FLT3: variants seen among roughly 807,000 people sequenced by gnomAD.
FLT3 encodes receptor-type tyrosine-protein kinase FLT3.
FLT3 carries 46 observed loss-of-function variants against 126.6 expected under a neutral mutation model. The ratio of observed to expected loss-of-function variants is 0.36; its 90% CI spans 0.29 to 0.46. The LOEUF (loss-of-function observed/expected upper bound fraction) is 0.46. FLT3 is among the 20% of genes least tolerant of loss of function. FLT3 has a pLI of 1.00. For synonymous variants in FLT3, 404 were observed against 434.4 expected, an observed-to-expected ratio of 0.93 and a Z score of 0.87; for missense variants, 1,069 against 1,190.3, an observed-to-expected ratio of 0.90 and a Z score of 1.50.
intron 1 of FLT3, among the ~76,000 whole-genome samples, chr13:28,074,164 T>C (rs985932054): frequency 2.0e-5 from 3 of 152,052 alleles, no homozygotes; most frequent in Non-Finnish European, 4.4e-5. Context: ...GTATGAACTG[T>C]TTTTTTATAG....
At chr13:28,061,828 G>T in intron 3 of FLT3, 39 bp downstream of exon 3, 1 of 1,506,662 alleles carries the variant, frequency 6.6e-7, no homozygotes, top group Non-Finnish European at 9.2e-7. Flanking sequence ...AATTCCAAAT[G>T]AACCACATTT....
intron 3 of FLT3, among the ~76,000 whole-genome samples, chr13:28,058,712 G>T (rs142466835): frequency 5.3e-4 from 80 of 152,230 alleles, no homozygotes; most frequent in African/African-American, 1.9e-3. Flanking sequence ...CCAAATACAG[G>T]TTATATTCGA....
chr13:28,066,056 G>A (rs1029250773), intron 2 of FLT3, among the ~76,000 whole-genome samples: 6 of 151,932 alleles, frequency 3.9e-5, no homozygotes, highest in African/African-American at 2.4e-5. Flanking sequence ...ATATCAAGAC[G>A]GAATACGAAC....
chr13:28,054,553 C>T (rs1286728907), intron 4 of FLT3, among the ~76,000 whole-genome samples: 1 of 148,898 alleles, frequency 6.7e-6, no homozygotes, highest in Non-Finnish European at 1.5e-5. Flanking sequence ...AAAACCCCGT[C>T]TCTACAAAAA....
intron 1 of FLT3, among the ~76,000 whole-genome samples, chr13:28,092,800 A>G (rs1338637044): frequency 6.6e-6 from 1 of 151,734 alleles, no homozygotes; most frequent in Non-Finnish European, 1.5e-5. Context: ...AATCCCTTTG[A>G]AAATCTGAAG....
At chr13:28,049,287 G>T in intron 8 of FLT3, 97 bp downstream of exon 8, 2 of 1,075,914 alleles carry the variant, frequency 1.9e-6, no homozygotes, top group Non-Finnish European at 1.4e-6. Context: ...TTTGATAGTA[G>T]CATTATATTG....
intron 1 of FLT3, among the ~76,000 whole-genome samples, chr13:28,086,108 A>G (rs957735906): frequency 6.6e-6 from 1 of 152,202 alleles, no homozygotes; most frequent in Non-Finnish European, 1.5e-5. Context: ...TCAGATTTAA[A>G]TCTACTATAT....
Position 28,050,109 on chromosome 13 carries a change from C to T in FLT3, c.728G>A (p.Arg243Lys), listed in dbSNP as rs61729144. ...TATAGTGTTACCTATTGTGAACAGCCTGGTGCATTCCCTGCCCAGTTCATT... is the reference window on the plus strand; with the variant it reads ...TATAGTGTTACCTATTGTGAACAGCTTGGTGCATTCCCTGCCCAGTTCATT... ...ARNELGRECT[R>K]LFTIDLNQTP... The change falls in exon 6 of 24, where the codon AGG (arginine) becomes AAG (lysine). Residue 243 changes from arginine to lysine, a missense_variant. By Grantham distance (26) the Arg-to-Lys change is conservative (BLOSUM62 2). Coordinates refer to ENST00000241453, the MANE Select transcript of FLT3 (RefSeq NM_004119.3). The T allele has an allele frequency of 3.1e-4, 499 of 1,614,114 alleles. 1 individual carries two copies. The African/African-American group carries it at 6.0e-3, about 19-fold the overall frequency.
intron 1 of FLT3, among the ~76,000 whole-genome samples, chr13:28,091,645 G>T (rs888834895): frequency 5.3e-5 from 8 of 151,998 alleles, no homozygotes; most frequent in African/African-American, 1.9e-4. Context: ...CTGTCTATCT[G>T]CTGGTGAGGC....
chr13:28,094,476 G>T (rs1057319569), intron 1 of FLT3, among the ~76,000 whole-genome samples: 1 of 152,042 alleles, frequency 6.6e-6, no homozygotes, highest in Non-Finnish European at 1.5e-5. Context: ...AGAACACTGT[G>T]TGCACTTTAT....
intron 9 of FLT3, among the ~76,000 whole-genome samples, chr13:28,045,280 G>A (rs1874751466): frequency 6.6e-6 from 1 of 152,176 alleles, no homozygotes; most frequent in Non-Finnish European, 1.5e-5. Context: ...ATTCTTGCGG[G>A]AGAGGGAAAG....
intron 23 of FLT3, among the ~76,000 whole-genome samples, chr13:28,014,149 A>T (rs910517586): frequency 1.2e-4 from 18 of 151,962 alleles, no homozygotes; most frequent in Non-Finnish European, 2.6e-4. Context: ...CTGCCCTCCC[A>T]TGGTCCTAGC....
At chr13:28,077,571 T>C (rs1878040780) in intron 1 of FLT3, among the ~76,000 whole-genome samples, 1 of 152,188 alleles carries the variant, frequency 6.6e-6, no homozygotes, top group Non-Finnish European at 1.5e-5. Context: ...GTGGGAATTC[T>C]GCGAGATACA....
intron 1 of FLT3, among the ~76,000 whole-genome samples, chr13:28,099,513 A>G (rs549924881): frequency 2.0e-4 from 30 of 152,346 alleles, no homozygotes; most frequent in Admixed American, 3.3e-4. Context: ...TTCAAGTCCT[A>G]GCATTTCAGA....
chr13:28,045,353 A>G (rs539127525), intron 9 of FLT3, among the ~76,000 whole-genome samples: 39 of 152,360 alleles, frequency 2.6e-4, no homozygotes, highest in African/African-American at 9.1e-4. Flanking sequence ...AGGATATTAA[A>G]GTAATATTTG....
intron 1 of FLT3, among the ~76,000 whole-genome samples, chr13:28,094,116 G>T (rs1326946852): frequency 1.3e-5 from 2 of 152,076 alleles, no homozygotes; most frequent in Non-Finnish European, 2.9e-5. Flanking sequence ...TACAAATGAG[G>T]AACTTAAGTG....
intron 1 of FLT3, among the ~76,000 whole-genome samples, chr13:28,093,910 G>A (rs1879287191): frequency 6.6e-6 from 1 of 152,136 alleles, no homozygotes; most frequent in Admixed American, 6.6e-5. Context: ...GTGGAAGGAG[G>A]AAGGGTGGGA....
rs1870657665 is a variant in FLT3, at chr13:28,004,005, G to A, written c.*47C>T. The A allele has an allele frequency of 6.2e-7, 1 of 1,609,168 alleles. No homozygotes were observed. The highest frequency in any genetic ancestry group is 8.5e-7 in the Non-Finnish European group (1 of 1,175,634). On this transcript the variant is annotated 3_prime_UTR_variant, in exon 24 of 24. Coordinates refer to ENST00000241453, the MANE Select transcript of FLT3 (RefSeq NM_004119.3). ...ATCTTGTTTTGGTAATCTACAGCCT[G>A]TTAGGGATAGGTGGAGGGATGAAGT...
In FLT3 at chr13:28,073,962, GA is replaced by G. The variant is rs1216309493; in HGVS notation, c.44-3351del. 2.2e-4 allele frequency among the ~76,000 whole-genome samples: 32 copies of G among 143,422 alleles called. 1 individual carries two copies. Among genetic ancestry groups the G allele is most frequent in the Admixed American group, 1.8e-3 (26 of 14,290 alleles). 94.1% of individuals were successfully genotyped at this position (143,422 alleles called of 152,430 possible). ...CTCTAAAAAAAAAAAAAAAAGAAAAGAAAAAAAAGAAAACAATTTTTTTTAA... is the reference window on the plus strand; with the variant it reads ...CTCTAAAAAAAAAAAAAAAAGAAAAGAAAAAAAGAAAACAATTTTTTTTAA... On this transcript the variant is annotated intron_variant, in intron 1 of 23. Coordinates refer to ENST00000241453, the MANE Select transcript of FLT3 (RefSeq NM_004119.3).
Sources: allele counts gnomAD v4.1 joint callset (sites outside exome capture counted in the v4.1 genomes callset), GRCh38; gene constraint gnomAD v4.1.1; transcripts MANE v1.5; gene names NCBI Gene and HGNC (gene_info 2026-07-23, HGNC 2026-07-21).